The following LIG1 variants were observed in gnomAD, a reference collection of about 807,000 sequenced individuals.
LIG1 encodes DNA ligase 1.
LIG1 carries 70 observed loss-of-function variants against 115.7 expected under a neutral mutation model. That is an observed-to-expected ratio of 0.60 (90% CI 0.50 to 0.74). LIG1 has a LOEUF of 0.74. LIG1 is among the 30% of genes least tolerant of loss of function. LIG1 has a pLI of 0.00. For synonymous variants in LIG1, 487 were observed against 495.3 expected, an observed-to-expected ratio of 0.98 and a Z score of 0.22; for missense variants, 1,115 against 1,225.6, an observed-to-expected ratio of 0.91 and a Z score of 1.35.
rs562781188 is a variant in LIG1, at chr19:48,156,811, G to T, written c.370+203C>A. Among the ~76,000 whole-genome samples the T allele has an allele frequency of 5.9e-5, 9 of 152,006 alleles. No homozygotes were observed. In the East Asian group the frequency reaches 1.6e-3, roughly 26 times the overall value. ...CAAAAATTAGCCAGGCATGGTGGCG[G>T]GCTCCTGTAGTCCCAGCTACTCAGG... is the stretch of plus-strand genomic sequence containing the variant. On this transcript the variant is annotated intron_variant, in intron 5 of 27. Transcript: ENST00000263274.
intron 16 of LIG1, among the ~76,000 whole-genome samples, chr19:48,134,699 C>T (rs1429198665): frequency 1.3e-5 from 2 of 152,242 alleles, no homozygotes; most frequent in Non-Finnish European, 2.9e-5. Flanking sequence ...GGCTAGGTTC[C>T]ACCTACAAAG....
chr19:48,143,507 ACCCCGC>A, intron 11 of LIG1, 30 bp downstream of exon 11: 2 of 550,508 alleles, frequency 3.6e-6, no homozygotes, highest in Non-Finnish European at 7.2e-6. Flanking sequence ...CCCAGAAGCG[ACCCCGC>A]CCCCCACCCA....
chr19:48,133,490 T>A (rs1419567834), intron 17 of LIG1: 1 of 313,056 alleles, frequency 3.2e-6, no homozygotes, highest in East Asian at 8.1e-5. Flanking sequence ...CCCCGGGTCA[T>A]CCCTGGGACA....
chr19:48,125,571 G>A lies in LIG1; in HGVS notation c.2004+1706C>T, dbSNP rs189790103. Among the ~76,000 whole-genome samples, 273 of 152,254 alleles carry A rather than the reference G, an allele frequency of 1.8e-3. 1 individual carries two copies. Among genetic ancestry groups the A allele is most frequent in the Admixed American group, 3.1e-3 (47 of 15,282 alleles). Reference sequence around the variant, plus strand: ...CCAGACAGGCAGGCAAAAGACACGCGGAGGCAAGTCACGGAACAAATGCAC... The same window carrying A: ...CCAGACAGGCAGGCAAAAGACACGCAGAGGCAAGTCACGGAACAAATGCAC... On this transcript the variant is annotated intron_variant, in intron 21 of 27. Transcript: ENST00000263274.
chr19:48,156,980 G>A lies in LIG1; in HGVS notation c.370+34C>T, dbSNP rs538100727. 16 of 1,466,506 alleles carry A rather than the reference G, an allele frequency of 1.1e-5. No individual in the cohort carries two copies. The East Asian group carries it at 3.8e-4, about 35-fold the overall frequency. The allele number at this position is 1,466,506 out of a possible 1,614,324, so 90.8% of individuals were successfully genotyped here. A position where few individuals can be genotyped will look rare whatever the true frequency, so the allele number is the denominator to read the frequency against. On this transcript the variant is annotated intron_variant, in intron 5 of 27. Coordinates refer to ENST00000263274, the MANE Select transcript of LIG1 (RefSeq NM_000234.3). ...AAAAAAAAGAGAAAAAGAAAGGCAG[G>A]CGACTGAAGGGGCAGGGGCCCGTGT...
At chr19:48,168,993 C>T (rs2036621317) in intron 1 of LIG1, among the ~76,000 whole-genome samples, 1 of 152,002 alleles carries the variant, frequency 6.6e-6, no homozygotes, top group Non-Finnish European at 1.5e-5. Flanking sequence ...GAGATAATGA[C>T]AGGAAAAATA....
chr19:48,137,375 G>A lies in LIG1; in HGVS notation c.1254+147C>T, dbSNP rs894713442. ...AGAGGAGACTCCCCTAGGATTGGGTGCAGGAAGGAGGAGAGGAAGCTGTGC... is the reference window on the plus strand; with the variant it reads ...AGAGGAGACTCCCCTAGGATTGGGTACAGGAAGGAGGAGAGGAAGCTGTGC... On this transcript the variant is annotated intron_variant, in intron 13 of 27. Transcript: ENST00000263274. The surrounding 1 kb of genome is among the most constrained non-coding windows in gnomAD (Gnocchi z 4.3). 1.8e-5 allele frequency: 18 copies of A among 1,026,936 alleles called. No homozygotes were observed. The highest frequency in any genetic ancestry group is 2.6e-5 in the Non-Finnish European group (18 of 694,084). The allele number at this position is 1,026,936 out of a possible 1,614,324, so 63.6% of individuals were successfully genotyped here. A position where few individuals can be genotyped will look rare whatever the true frequency, so the allele number is the denominator to read the frequency against.
At chr19:48,165,709 G>A (rs200555066) in intron 1 of LIG1, 86 bp from the exon 2 acceptor site, 746 of 784,928 alleles carry the variant, frequency 9.5e-4, no homozygotes, top group Admixed American at 1.5e-3. Flanking sequence ...AAGAAAGAAA[G>A]AAAAAAAAAA....
chr19:48,120,358 A>T (rs2033178422), intron 24 of LIG1: 1 of 985,298 alleles, frequency 1.0e-6, no homozygotes. Context: ...CAGAAAAGAA[A>T]ATTACTCATA....
In LIG1 at chr19:48,122,939, G is replaced by A; in HGVS notation, c.2227C>T (p.Leu743Phe). 6.2e-7 allele frequency: 1 copy of A among 1,613,506 alleles called. No individual in the cohort carries two copies. Among genetic ancestry groups the A allele is most frequent in the Non-Finnish European group, 8.5e-7 (1 of 1,179,868 alleles). ...AGTTGGGGGTCGAGAATCACCTTGA[G>A]CCAGTTGTGCGATCTCTTGGCGATC... Reference protein sequence around the residue: ...YEIAKRSHNWLKLKKDYLDGV... With the variant: ...YEIAKRSHNWFKLKKDYLDGV... Residue 743 changes from leucine to phenylalanine, a missense_variant, in exon 23 of 28, where the codon CTC becomes TTC. Coordinates refer to ENST00000263274, the MANE Select transcript of LIG1 (RefSeq NM_000234.3). This position sits in a 1 kb window ranked among gnomAD's most constrained non-coding sequence, Gnocchi z 4.3.
chr19:48,134,075 G>A lies in LIG1; in HGVS notation c.1524-9C>T, dbSNP rs1341859899. 4 of 1,553,544 alleles carry A rather than the reference G, an allele frequency of 2.6e-6. No homozygotes were observed. The highest frequency in any genetic ancestry group is 3.5e-6 in the Non-Finnish European group (4 of 1,147,740). The stretch of plus-strand genomic sequence containing the variant: ...CCAGGTCGGGAACCTCGCTGGGGTG[G>A]CGGGTGAGAACAAGATAGGGGAAGC... On this transcript the variant is annotated splice_polypyrimidine_tract_variant and intron_variant, in intron 16 of 27. Transcript: ENST00000263274.
At chr19:48,139,449 G>A (rs553407632) in intron 12 of LIG1, among the ~76,000 whole-genome samples, 3 of 151,944 alleles carry the variant, frequency 2.0e-5, no homozygotes, top group African/African-American at 7.2e-5. Context: ...GCTGCCCCTT[G>A]CCTGCTCACA....
At chr19:48,160,988 T>C (rs1199607278) in intron 4 of LIG1, among the ~76,000 whole-genome samples, 1 of 152,126 alleles carries the variant, frequency 6.6e-6, no homozygotes, top group Non-Finnish European at 1.5e-5. Context: ...CCTCCCACGT[T>C]GGCCTCCCAA....
intron 4 of LIG1, among the ~76,000 whole-genome samples, chr19:48,158,969 C>T (rs1304787169): frequency 6.6e-6 from 1 of 152,190 alleles, no homozygotes; most frequent in Non-Finnish European, 1.5e-5. Context: ...CTTCAGTTAC[C>T]TATTTAACAA....
intron 11 of LIG1, among the ~76,000 whole-genome samples, 191 bp from the exon 12 acceptor site, chr19:48,140,334 T>C (rs2034662885): frequency 6.6e-6 from 1 of 152,164 alleles, no homozygotes; most frequent in South Asian, 2.1e-4. Flanking sequence ...GAAACCGCCT[T>C]TGCAAAACCG....
intron 5 of LIG1, 78 bp from the exon 6 acceptor site, chr19:48,154,045 T>C: frequency 2.5e-6 from 3 of 1,216,144 alleles, no homozygotes; most frequent in Non-Finnish European, 2.4e-6. Flanking sequence ...CACCCACTGA[T>C]GTAGCCTCTG....
At position 48,153,577 on chromosome 19, in the gene LIG1, C is replaced by T. The variant is rs377296481; in HGVS notation, c.466+295G>A. On this transcript the variant is annotated intron_variant, in intron 6 of 27. Transcript: ENST00000263274. ...GAATTCCTGGATGCCTGGACACAGG[C>T]ATCAAATCGGCAGGGTCCAAACATC... 3.6e-4 allele frequency among the ~76,000 whole-genome samples: 55 copies of T among 151,444 alleles called. No homozygotes were observed. The South Asian group carries it at 0.011, about 29-fold the overall frequency.
At position 48,115,668 on chromosome 19, in the gene LIG1, T is replaced by C. The variant is rs1331718830; in HGVS notation, c.2741A>G (p.Asp914Gly). The change falls in exon 28 of 28, where the codon GAC becomes GGC. Residue 914 changes from aspartate to glycine, a missense_variant. Coordinates refer to ENST00000263274, the MANE Select transcript of LIG1 (RefSeq NM_000234.3). The part of the protein sequence containing the change: ...QNQQGEDSGS[D>G]PEDTY ...GAGGGCTTAGTAGGTATCTTCAGGG[T>C]CAGAGCCTGAGTCCTCGCCTTGTTG... The C allele has an allele frequency of 6.2e-7, 1 of 1,613,904 alleles. No individual in the cohort carries two copies. Among genetic ancestry groups the C allele is most frequent in the South Asian group, 1.1e-5 (1 of 91,078 alleles).
At chr19:48,126,435 G>A (rs552735351) in intron 21 of LIG1, among the ~76,000 whole-genome samples, 5 of 152,064 alleles carry the variant, frequency 3.3e-5, no homozygotes, top group South Asian at 4.2e-4. Context: ...GTGAAACCCC[G>A]TCTCTACTAA....
Sources: allele counts gnomAD v4.1 joint callset (sites outside exome capture counted in the v4.1 genomes callset), GRCh38; gene constraint gnomAD v4.1.1; non-coding constraint Gnocchi (gnomAD v3.1); transcripts MANE v1.5; gene names NCBI Gene and HGNC (gene_info 2026-07-23, HGNC 2026-07-21).